CLPB: variants seen among roughly 807,000 people sequenced by gnomAD.
CLPB encodes mitochondrial disaggregase.
Under a neutral mutation model 78.4 loss-of-function variants are expected in CLPB, and 40 were observed. That is an observed-to-expected ratio of 0.51 (90% CI 0.40 to 0.66). The LOEUF (loss-of-function observed/expected upper bound fraction) is 0.66. Ranked by LOEUF, CLPB falls within the 30% of genes least tolerant of loss-of-function variation. The pLI, the probability that CLPB is intolerant of heterozygous loss-of-function variation, is 0.00. For missense variants in CLPB, 780 were observed against 886.9 expected (o/e 0.88, Z 1.53); for synonymous variants, 333 against 348.0 (o/e 0.96, Z 0.48).
chr11:72,399,757 T>C (rs1287274207), intron 3 of CLPB, among the ~76,000 whole-genome samples: 1 of 152,240 alleles, frequency 6.6e-6, no homozygotes, highest in Non-Finnish European at 1.5e-5. Flanking sequence ...CAGCCTTGAA[T>C]CAAGGGTGCT....
At chr11:72,336,474 G>A (rs1242735130) in intron 5 of CLPB, 2 of 152,168 alleles carry the variant, frequency 1.3e-5, no homozygotes, top group African/African-American at 2.4e-5. Flanking sequence ...CTACTTCTCT[G>A]GTGATAATGA....
intron 11 of CLPB, among the ~76,000 whole-genome samples, chr11:72,296,262 TA>T (rs1949549650): frequency 2.0e-5 from 3 of 152,202 alleles, no homozygotes; most frequent in African/African-American, 4.8e-5. Flanking sequence ...GTAGGTGATA[TA>T]TAATGAAACA....
chr11:72,333,137 A>C (rs1049697870), intron 5 of CLPB, among the ~76,000 whole-genome samples: 1 of 152,236 alleles, frequency 6.6e-6, no homozygotes, highest in Admixed American at 6.5e-5. Context: ...TGCTTGAACT[A>C]GGAGTAAAAA....
chr11:72,329,913 G>C lies in CLPB; in HGVS notation c.776-109C>G. ...GATTTCTATGTTGGGAATGTCCATG[G>C]ACACCTACAAATGGTGGAAAAACAT... On this transcript the variant is annotated intron_variant, in intron 5 of 15. Transcript: ENST00000538039. 1.6e-5 allele frequency: 12 copies of C among 761,422 alleles called. No homozygotes were observed. In the South Asian group the frequency reaches 2.0e-4, roughly 13 times the overall value. 47.2% of individuals were successfully genotyped at this position (761,422 alleles called of 1,614,324 possible). A position where few individuals can be genotyped will look rare whatever the true frequency, so the allele number is the denominator to read the frequency against.
Position 72,296,533 on chromosome 11 carries a change from G to A in CLPB, c.1330-885C>T, listed in dbSNP as rs537396062. Among the ~76,000 whole-genome samples, 7 of 152,342 alleles carry A rather than the reference G, an allele frequency of 4.6e-5. No homozygotes were observed. In the South Asian group the frequency reaches 1.0e-3, roughly 23 times the overall value. On this transcript the variant is annotated intron_variant, in intron 11 of 15. Transcript: ENST00000538039. ...GGGTACAGAGCCCCGCTCACTCAGC[G>A]AACCTCAAGGGCATGACCGTACAAC...
chr11:72,396,113 G>T (rs1342954475), intron 3 of CLPB, among the ~76,000 whole-genome samples: 2 of 152,138 alleles, frequency 1.3e-5, no homozygotes, highest in African/African-American at 4.8e-5. Context: ...CTTCAGCCAA[G>T]GATGGCAGCA....
At chr11:72,367,133 C>T (rs1454544557) in intron 4 of CLPB, among the ~76,000 whole-genome samples, 1 of 152,122 alleles carries the variant, frequency 6.6e-6, no homozygotes, top group Non-Finnish European at 1.5e-5. Flanking sequence ...AACACAAGAA[C>T]AGAAAACCAA....
rs1278109918 is a variant in CLPB at position 72,434,117 on chromosome 11, C to T, written c.358G>A (p.Ala120Thr). The T allele has an allele frequency of 1.2e-6, 2 of 1,611,880 alleles. No homozygotes were observed. Among genetic ancestry groups the T allele is most frequent in the Non-Finnish European group, 1.7e-6 (2 of 1,180,010 alleles). Residue 120 changes from alanine (A) to threonine (T), a missense_variant, in exon 1 of 16, where the codon GCA (alanine) becomes ACA (threonine). This residue lies in a region of CLPB where 417 missense variants were observed against 414.7 expected (regional missense o/e 1.01). Transcript: ENST00000538039. The stretch of plus-strand genomic sequence containing the variant: ...CTGTAGCAATGAACCACCAGCGCTG[C>T]GGCCAGGGCGCACATGCCCAGTCCG... The part of the protein sequence containing the change: ...RAGLGMCALA[A>T]ALVVHCYSKS...
intron 3 of CLPB, among the ~76,000 whole-genome samples, chr11:72,381,951 C>T (rs1323564988): frequency 6.6e-6 from 1 of 152,148 alleles, no homozygotes; most frequent in Non-Finnish European, 1.5e-5. Context: ...ATCCAGACTC[C>T]AGGATAGCCC....
At chr11:72,301,996 C>T (rs751218228) in intron 10 of CLPB, 32 bp from the exon 11 acceptor site, 3 of 1,608,334 alleles carry the variant, frequency 1.9e-6, no homozygotes, top group South Asian at 2.2e-5. Flanking sequence ...GCTAGGAAGG[C>T]CTTTCTGTGC....
rs142378609 is a variant in CLPB at position 72,344,303 on chromosome 11, G to T, written c.776-14499C>A. Among the ~76,000 whole-genome samples, 340 of 152,032 alleles carry T rather than the reference G, an allele frequency of 2.2e-3. 2 individuals are homozygous for T. The highest frequency in any genetic ancestry group is 7.8e-3 in the African/African-American group (322 of 41,484). ...AGCTTATTGCAACCTCCACCTCCCG[G>T]ACTCAAGCAATCCTCCCCACTCAGC... On this transcript the variant is annotated intron_variant, in intron 5 of 15. Transcript: ENST00000538039.
At chr11:72,324,228 G>A (rs1444647809) in intron 6 of CLPB, among the ~76,000 whole-genome samples, 2 of 151,970 alleles carry the variant, frequency 1.3e-5, no homozygotes, top group South Asian at 2.1e-4. Flanking sequence ...ATACATTCCT[G>A]ATATGTGTAT....
chr11:72,299,891 G>C (rs191518529), intron 11 of CLPB, among the ~76,000 whole-genome samples: 2 of 152,308 alleles, frequency 1.3e-5, no homozygotes, highest in Admixed American at 6.5e-5. Flanking sequence ...TGACGGAGGA[G>C]GGGGAGACAG....
intron 2 of CLPB, among the ~76,000 whole-genome samples, chr11:72,421,090 G>T (rs1413933802): frequency 6.6e-6 from 1 of 152,204 alleles, no homozygotes; most frequent in Non-Finnish European, 1.5e-5. Context: ...AAAATGCTAG[G>T]GTGGGAGGAC....
intron 5 of CLPB, 84 bp from the exon 6 acceptor site, chr11:72,329,888 G>A: frequency 9.7e-7 from 1 of 1,025,830 alleles, no homozygotes; most frequent in Non-Finnish European, 1.5e-6. Flanking sequence ...TTAAGGCTCT[G>A]ATTTCTATGT....
chr11:72,402,085 C>A lies in CLPB; in HGVS notation c.542+881G>T, dbSNP rs146704115. Among the ~76,000 whole-genome samples, 579 of 151,766 alleles carry A rather than the reference C, an allele frequency of 3.8e-3. 1 individual carries two copies. The highest frequency in any genetic ancestry group is 6.5e-3 in the Non-Finnish European group (440 of 67,938). On this transcript the variant is annotated intron_variant, in intron 3 of 15. Transcript: ENST00000538039. ...ACCAACCTGGATAGCACAGTGAGAC[C>A]CCTATCTTTAAAAAAAAAAAAAAAA... is the stretch of plus-strand genomic sequence containing the variant.
At chr11:72,404,882 T>A (rs1855661647) in intron 2 of CLPB, among the ~76,000 whole-genome samples, 1 of 152,234 alleles carries the variant, frequency 6.6e-6, no homozygotes, top group South Asian at 2.1e-4. Flanking sequence ...TTACTATACA[T>A]AATGTTACAC....
intron 9 of CLPB, among the ~76,000 whole-genome samples, chr11:72,305,870 A>G (rs1327383039): frequency 6.6e-6 from 1 of 152,224 alleles, no homozygotes; most frequent in Non-Finnish European, 1.5e-5. Flanking sequence ...CAGCTTGGAT[A>G]AGGAGATTAT....
chr11:72,382,281 T>C (rs2135681448), intron 3 of CLPB, among the ~76,000 whole-genome samples: 1 of 151,986 alleles, frequency 6.6e-6, no homozygotes, highest in South Asian at 2.1e-4. Context: ...GGCCAGCCCT[T>C]GTGGACCCAG....
Sources: gnomAD v4.1 joint callset for allele counts (sites outside exome capture counted in the v4.1 genomes callset) on GRCh38, gnomAD v4.1.1 for gene constraint, gnomAD v4.1.1 regional missense constraint, MANE v1.5 for transcripts, NCBI Gene and HGNC (gene_info 2026-07-23, HGNC 2026-07-21) for gene names.